The following MCM6 variants were observed in gnomAD, a reference collection of about 807,000 sequenced individuals.
The protein encoded by MCM6 is minichromosome maintenance complex component 6.
In MCM6, 46 loss-of-function variants were observed where a neutral mutation model predicts 94.3. That is an observed-to-expected ratio of 0.49 (90% CI 0.39 to 0.62). The LOEUF (loss-of-function observed/expected upper bound fraction) is 0.62. Among genes scored for constraint, MCM6 ranks in the 20% least tolerant of loss-of-function variants. The pLI is 0.00. For synonymous variants in MCM6, 335 were observed against 351.9 expected (o/e 0.95, Z 0.54); for missense variants, 865 against 1,017.9 (o/e 0.85, Z 2.04).
intron 4 of MCM6, 141 bp downstream of exon 4, chr2:135,868,470 G>T: frequency 1.3e-6 from 1 of 797,442 alleles, no homozygotes; most frequent in Non-Finnish European, 2.0e-6. Context: ...ACAGTTTTGG[G>T]CTTAACTTTG....
intron 9 of MCM6, 72 bp downstream of exon 9, chr2:135,859,229 A>C (rs1321062272): frequency 8.2e-7 from 1 of 1,213,264 alleles, no homozygotes; most frequent in Non-Finnish European, 1.2e-6. Context: ...TTTAATGGTA[A>C]CTTATAGGCC....
intron 16 of MCM6, among the ~76,000 whole-genome samples, chr2:135,843,730 C>CAAAA (rs55634938): frequency 1.1e-5 from 1 of 90,926 alleles, no homozygotes; most frequent in Non-Finnish European, 2.4e-5. Flanking sequence ...AACTCTGTCT[C>CAAAA]AAAAAAAAAA....
intron 1 of MCM6, among the ~76,000 whole-genome samples, chr2:135,873,119 A>C (rs1336382614): frequency 2.6e-5 from 4 of 152,146 alleles, no homozygotes; most frequent in Admixed American, 2.6e-4. Context: ...CTCTGATAGT[A>C]AGTCTCACGA....
Position 135,866,590 on chromosome 2 carries a change from G to C in MCM6, c.754C>G (p.Pro252Ala). Residue 252 changes from proline to alanine, a missense_variant, in exon 5 of 17, where the codon CCT becomes GCT. Coordinates refer to ENST00000264156, the MANE Select transcript of MCM6 (RefSeq NM_005915.6). ...GGTGTGCTAAGCTTGGAGACGTCAG[G>C]CACAACAATCAGTGTCCCTGTAAAG... Reference protein sequence around the residue: ...CDFTGTLIVVPDVSKLSTPGA... With the variant: ...CDFTGTLIVVADVSKLSTPGA... 1 of 1,613,408 alleles carries C rather than the reference G, an allele frequency of 6.2e-7. No individual in the cohort carries two copies. Among genetic ancestry groups the C allele is most frequent in the Non-Finnish European group, 8.5e-7 (1 of 1,179,776 alleles).
In MCM6 at chr2:135,864,105, T is replaced by C. The variant is rs559392616; in HGVS notation, c.1078+908A>G. On this transcript the variant is annotated intron_variant, in intron 7 of 16. Transcript: ENST00000264156. ...CAGCCTGGGCGACAGAGTGAGACTC[T>C]GTCTCAAAATAAAATAGAATAAAAA... Among the ~76,000 whole-genome samples, 4 of 152,172 alleles carry C rather than the reference T, an allele frequency of 2.6e-5. No homozygotes were observed. The East Asian group carries it at 7.7e-4, about 29-fold the overall frequency.
At chr2:135,871,038 C>T (rs542631432) in intron 2 of MCM6, among the ~76,000 whole-genome samples, 1 of 152,240 alleles carries the variant, frequency 6.6e-6, no homozygotes, top group African/African-American at 2.4e-5. Context: ...CAGGTGTGAG[C>T]CACCACATCT....
intron 11 of MCM6, among the ~76,000 whole-genome samples, chr2:135,855,493 C>T (rs1575361977): frequency 6.6e-6 from 1 of 151,926 alleles, no homozygotes; most frequent in South Asian, 2.1e-4. Context: ...AACTTGTTGC[C>T]GTTGCTACAA....
At position 135,840,246 on chromosome 2, in the gene MCM6, A is replaced by C. The variant is rs1679545477; in HGVS notation, c.*589T>G. The C allele has an allele frequency of 6.6e-6, 1 of 151,034 alleles. No individual in the cohort carries two copies. The highest frequency in any genetic ancestry group is 2.1e-4 in the South Asian group (1 of 4,782). 9.4% of individuals were successfully genotyped at this position (151,034 alleles called of 1,614,324 possible). On this transcript the variant is annotated 3_prime_UTR_variant, in exon 17 of 17. Transcript: ENST00000264156. Reference sequence around the variant, plus strand: ...CTTAAAAAAAAAAAAAAACAACTGGAATTAACCTTGGAAAGTCATCTCTAA... The same window carrying C: ...CTTAAAAAAAAAAAAAAACAACTGGCATTAACCTTGGAAAGTCATCTCTAA...
rs1002471707 is a variant in MCM6, at chr2:135,868,817, T to G, written c.409A>C (p.Ile137Leu). Residue 137 changes from isoleucine (I) to leucine (L), a missense_variant, in exon 4 of 17, where the codon ATC becomes CTC. This residue lies in a region of MCM6 where 404 missense variants were observed against 451.9 expected (regional missense o/e 0.89). Coordinates refer to ENST00000264156, the MANE Select transcript of MCM6 (RefSeq NM_005915.6). ...TSSRIGLLTR[I>L]SGQVVRTHPV... ...TGAGTCCGCACCACCTGCCCACTGATGCGAGTGAGCAAACCAATTCTGGAT... is the reference window on the plus strand; with the variant it reads ...TGAGTCCGCACCACCTGCCCACTGAGGCGAGTGAGCAAACCAATTCTGGAT... 1.2e-6 allele frequency: 2 copies of G among 1,614,028 alleles called. No homozygotes were observed. Among genetic ancestry groups the G allele is most frequent in the African/African-American group, 2.7e-5 (2 of 74,930 alleles).
At position 135,844,614 on chromosome 2, in the gene MCM6, T is replaced by A; in HGVS notation, c.2280A>T (p.Ile760=). 6.3e-7 allele frequency: 1 copy of A among 1,587,592 alleles called. No individual in the cohort carries two copies. The highest frequency in any genetic ancestry group is 8.6e-7 in the Non-Finnish European group (1 of 1,168,330). The change falls in exon 16 of 17, where the codon ATA becomes ATT. Residue 760 remains isoleucine, a synonymous_variant. Transcript: ENST00000264156. ...TATTTATAAGTTCTTCTTCAGAGTC[T>A]ATCTCTGATTCGATTTCCTTCAAGT... ...NWYLKEIESE[I]DSEEELINKK... is the part of the protein sequence containing the mutation.
chr2:135,866,785 T>C (rs1355787744), intron 4 of MCM6, 57 bp from the exon 5 acceptor site: 2 of 1,416,322 alleles, frequency 1.4e-6, no homozygotes, highest in African/African-American at 1.4e-5. Context: ...TCAGATGCCA[T>C]ATAATCTAAA....
rs3835800 is a variant in MCM6 at position 135,873,548 on chromosome 2, GTTCT to G, written c.108-709_108-706del. Among the ~76,000 whole-genome samples, 19 of 152,302 alleles carry G rather than the reference GTTCT, an allele frequency of 1.2e-4. No homozygotes were observed. The East Asian group carries it at 3.1e-3, about 25-fold the overall frequency. ...CAGGATATCATACAAATTTATTTCTGTTCTTTCAAACATAATATGCAGATTCGCC... is the reference window on the plus strand; with the variant it reads ...CAGGATATCATACAAATTTATTTCTGTTCAAACATAATATGCAGATTCGCC... On this transcript the variant is annotated intron_variant, in intron 1 of 16. Coordinates refer to ENST00000264156, the MANE Select transcript of MCM6 (RefSeq NM_005915.6).
chr2:135,852,698 G>T, intron 12 of MCM6, 89 bp downstream of exon 12: 1 of 956,192 alleles, frequency 1.0e-6, no homozygotes, highest in Non-Finnish European at 1.4e-6. Context: ...GTAGATGACA[G>T]GTTCAGTTAA....
chr2:135,859,438 C>A lies in MCM6; in HGVS notation c.1225G>T (p.Val409Leu), dbSNP rs765614539. Residue 409 changes from valine (V) to leucine (L), a missense_variant, in exon 9 of 17, where the codon GTG (valine) becomes TTG (leucine). Physicochemically the swap from Val to Leu is conservative, Grantham distance 32. Coordinates refer to ENST00000264156, the MANE Select transcript of MCM6 (RefSeq NM_005915.6). ...ACAGCTCTGGGGCTGAACTCCTCCA[C>A]GTGCCTGTTCAAGGTTATCACATAA... is the stretch of plus-strand genomic sequence containing the variant. ...STAKSQFLKH[V>L]EEFSPRAVYT... is the part of the protein sequence containing the mutation. 55 of 1,607,594 alleles carry A rather than the reference C, an allele frequency of 3.4e-5. No homozygotes were observed. The highest frequency in any genetic ancestry group is 5.1e-5 in the Admixed American group (3 of 58,470).
chr2:135,842,512 CAA>C (rs1679594023), intron 16 of MCM6, among the ~76,000 whole-genome samples: 2 of 152,146 alleles, frequency 1.3e-5, no homozygotes, highest in South Asian at 2.1e-4. Context: ...AGCTCCGGGG[CAA>C]AGTCTCTACC....
rs1392182699 is a variant in MCM6, at chr2:135,870,370, CAA to C, written c.255-11_255-10del. Reference sequence around the variant, plus strand: ...ACAGGTAAGGGTAAACTCTGAAAAACAAAAAAGTCAGCTGATACCTTAGAGGT... The same window carrying C: ...ACAGGTAAGGGTAAACTCTGAAAAACAAAAGTCAGCTGATACCTTAGAGGT... On this transcript the variant is annotated splice_polypyrimidine_tract_variant and intron_variant, in intron 2 of 16. Coordinates refer to ENST00000264156, the MANE Select transcript of MCM6 (RefSeq NM_005915.6). The C allele has an allele frequency of 2.2e-5, 36 of 1,602,506 alleles. No homozygotes were observed. The highest frequency in any genetic ancestry group is 2.7e-5 in the Non-Finnish European group (32 of 1,170,472).
At chr2:135,860,951 T>C (rs573170699) in intron 8 of MCM6, among the ~76,000 whole-genome samples, 36 of 152,142 alleles carry the variant, frequency 2.4e-4, no homozygotes, top group African/African-American at 8.0e-4. Context: ...ATTTTATACA[T>C]AGAAAATGCT....
intron 16 of MCM6, among the ~76,000 whole-genome samples, chr2:135,841,852 C>T (rs58710177): frequency 0.052 from 7,935 of 152,160 alleles, 729 homozygotes; most frequent in African/African-American, 0.18. Flanking sequence ...TGCCTGTAAT[C>T]CCAGCACTTT....
chr2:135,853,048 A>AT (rs1679806715), intron 11 of MCM6, 133 bp from the exon 12 acceptor site: 1 of 685,022 alleles, frequency 1.5e-6, no homozygotes, highest in East Asian at 3.1e-5. Flanking sequence ...ATGGGTACCA[A>AT]GTTTCTGATG....
Sources: allele counts gnomAD v4.1 joint callset (sites outside exome capture counted in the v4.1 genomes callset), GRCh38; gene constraint gnomAD v4.1.1; regional missense constraint gnomAD v4.1.1; transcripts MANE v1.5; gene names NCBI Gene and HGNC (gene_info 2026-07-23, HGNC 2026-07-21).